The following MTMR4 variants were observed in gnomAD, a reference collection of about 807,000 sequenced individuals.
MTMR4 encodes the protein myotubularin related protein 4.
MTMR4 carries 30 observed loss-of-function variants against 125.5 expected under a neutral mutation model. That is an observed-to-expected ratio of 0.24 (90% CI 0.18 to 0.32). The LOEUF is 0.32. Among genes scored for constraint, MTMR4 ranks in the 10% least tolerant of loss-of-function variants. The pLI is 1.00. For missense variants in MTMR4, 1,039 were observed against 1,511.5 expected (o/e 0.69, Z 5.18); for synonymous variants, 498 against 564.5 (o/e 0.88, Z 1.67).
rs1240876400 is a variant in MTMR4, at chr17:58,508,442, G to A, written c.593+26C>T. On this transcript the variant is annotated intron_variant, in intron 6 of 17. Transcript: ENST00000682306. The surrounding 1 kb of genome is among the most constrained non-coding windows in gnomAD (Gnocchi z 4.8). ...AACACGGAAGTAGTTTGGTGTGGAA[G>A]GTGTTTTGGTCCCCAACCCTCTCAC... 1.2e-6 allele frequency: 2 copies of A among 1,609,456 alleles called. No individual in the cohort carries two copies. The highest frequency in any genetic ancestry group is 1.7e-6 in the Non-Finnish European group (2 of 1,175,758).
rs149004290 is a variant in MTMR4, at chr17:58,507,439, C to T, written c.708-120G>A. On this transcript the variant is annotated intron_variant, in intron 7 of 17. Coordinates refer to ENST00000682306, the MANE Select transcript of MTMR4 (RefSeq NM_001378067.1). ...GGCTACCAACTCATCCAGGCCATAA[C>T]AGCAACCAAAAGCCCCAACGTCACT... is the stretch of plus-strand genomic sequence containing the variant. 6.3e-5 allele frequency: 51 copies of T among 804,294 alleles called. No homozygotes were observed. The East Asian group carries it at 1.4e-3, about 22-fold the overall frequency. 49.8% of individuals were successfully genotyped at this position (804,294 alleles called of 1,614,324 possible).
Position 58,491,494 on chromosome 17 carries a change from C to T in MTMR4, c.*169G>A, listed in dbSNP as rs1211797466. 23 of 655,524 alleles carry T rather than the reference C, an allele frequency of 3.5e-5. No homozygotes were observed. Among genetic ancestry groups the T allele is most frequent in the Non-Finnish European group, 5.2e-5 (21 of 403,464 alleles). 40.6% of individuals were successfully genotyped at this position (655,524 alleles called of 1,614,324 possible). ...GGTATCACCAGTAGAGGACCTCCTG[C>T]TAAATTGCAATTCCTCTGCTCCAGT... is the stretch of plus-strand genomic sequence containing the variant. On this transcript the variant is annotated 3_prime_UTR_variant, in exon 18 of 18. Coordinates refer to ENST00000682306, the MANE Select transcript of MTMR4 (RefSeq NM_001378067.1).
chr17:58,512,944 G>A lies in MTMR4; in HGVS notation c.46-3C>T, dbSNP rs1191347099. 1.9e-6 allele frequency: 3 copies of A among 1,609,824 alleles called. No homozygotes were observed. The highest frequency in any genetic ancestry group is 1.7e-5 in the Admixed American group (1 of 59,370). On this transcript the variant is annotated splice_polypyrimidine_tract_variant and splice_region_variant and intron_variant, in intron 1 of 17. Transcript: ENST00000682306. The surrounding 1 kb of genome is among the most constrained non-coding windows in gnomAD (Gnocchi z 4.1). ...AGGCTGGGGGGCCCCTCCTCACCCT[G>A]TAGGAAGGCCACAGTCCTAAGTCAC...
In MTMR4 at chr17:58,495,509, G is replaced by A; in HGVS notation, c.2675C>T (p.Pro892Leu). The A allele has an allele frequency of 6.2e-7, 1 of 1,614,218 alleles. No individual in the cohort carries two copies. The highest frequency in any genetic ancestry group is 1.1e-5 in the South Asian group (1 of 91,084). ...NNRNGQLLENPRFGKMPLELV... is the reference protein window; with the variant it reads ...NNRNGQLLENLRFGKMPLELV... ...TTCCAATGGCATTTTCCCAAAGCGA[G>A]GATTTTCCAATAACTGCCCATTCCT... The change falls in exon 15 of 18, where the codon CCT becomes CTT. Residue 892 changes from proline (P) to leucine (L), a missense_variant. Physicochemically the swap from Pro to Leu is moderately conservative, Grantham distance 98 (BLOSUM62 -3). Around this residue, in one of 6 missense-constraint regions of MTMR4, gnomAD observed 619 missense variants for 714.5 expected, o/e 0.87. Coordinates refer to ENST00000682306, the MANE Select transcript of MTMR4 (RefSeq NM_001378067.1).
chr17:58,516,256 A>G (rs1369267479), upstream of MTMR4, among the ~76,000 whole-genome samples: 1 of 152,206 alleles, frequency 6.6e-6, no homozygotes, highest in Non-Finnish European at 1.5e-5. Context: ...GAACACAGAG[A>G]TTCTACCGGG....
At chr17:58,499,366 G>A (rs1975558298) in intron 14 of MTMR4, among the ~76,000 whole-genome samples, 1 of 151,838 alleles carries the variant, frequency 6.6e-6, no homozygotes, top group South Asian at 2.1e-4. Flanking sequence ...GGCCAACATG[G>A]CGAAACCCCG....
rs551478877 is a variant in MTMR4, at chr17:58,500,398, A to G, written c.1853+3346T>C. 2.0e-4 allele frequency among the ~76,000 whole-genome samples: 30 copies of G among 151,884 alleles called. No individual in the cohort carries two copies. In the Middle Eastern group the frequency reaches 0.01, roughly 52 times the overall value. ...CACCTTGGCCTCCCAAAGTGCTGGG[A>G]TTACAGGCATGAGCCACTGCACCCA... On this transcript the variant is annotated intron_variant, in intron 14 of 17. Coordinates refer to ENST00000682306, the MANE Select transcript of MTMR4 (RefSeq NM_001378067.1).
At chr17:58,501,445 C>T (rs1975625898) in intron 14 of MTMR4, among the ~76,000 whole-genome samples, 1 of 151,754 alleles carries the variant, frequency 6.6e-6, no homozygotes. Flanking sequence ...ATAATTGTGC[C>T]ACTGCACCCA....
At chr17:58,503,208 A>G (rs183029021) in intron 14 of MTMR4, among the ~76,000 whole-genome samples, 1 of 152,292 alleles carries the variant, frequency 6.6e-6, no homozygotes, top group Admixed American at 6.5e-5. Context: ...TGGGTATATC[A>G]TACAGAGTGA....
chr17:58,513,075 GAA>G, intron 1 of MTMR4, 134 bp from the exon 2 acceptor site: 1 of 699,308 alleles, frequency 1.4e-6, no homozygotes, highest in Non-Finnish European at 2.5e-6. Flanking sequence ...CCAGAGAAGG[GAA>G]AAGAGATCTG....
At chr17:58,491,896 C>T in intron 17 of MTMR4, 56 bp from the exon 18 acceptor site, 2 of 1,545,032 alleles carry the variant, frequency 1.3e-6, no homozygotes, top group Non-Finnish European at 1.8e-6. Flanking sequence ...ACTGGCCAGG[C>T]AGGGTGACTC....
At chr17:58,513,448 C>T (rs1350429621) in intron 1 of MTMR4, among the ~76,000 whole-genome samples, 1 of 152,058 alleles carries the variant, frequency 6.6e-6, no homozygotes, top group African/African-American at 2.4e-5. Context: ...TCCCACGCCT[C>T]TAGAGGGCCT....
rs748480906 is a variant in MTMR4 at position 58,504,154 on chromosome 17, G to C, written c.1594C>G (p.Arg532Gly). The C allele has an allele frequency of 6.2e-7, 1 of 1,612,554 alleles. No homozygotes were observed. The highest frequency in any genetic ancestry group is 1.1e-5 in the South Asian group (1 of 90,904). Residue 532 changes from arginine (R) to glycine (G), a missense_variant, in exon 13 of 18, where the codon CGA (arginine) becomes GGA (glycine). Coordinates refer to ENST00000682306, the MANE Select transcript of MTMR4 (RefSeq NM_001378067.1). The surrounding 1 kb of genome is among the most constrained non-coding windows in gnomAD (Gnocchi z 7.1). Reference sequence around the variant, plus strand: ...CGCTTGTAGATGTTGCGCTTCTCTCGCTCACAGGGGTTGTTGGCCAGGAAG... The same window carrying C: ...CGCTTGTAGATGTTGCGCTTCTCTCCCTCACAGGGGTTGTTGGCCAGGAAG... ...GTFLANNPCE[R>G]EKRNIYKRTC...
chr17:58,507,412 G>T, intron 7 of MTMR4, 93 bp from the exon 8 acceptor site: 5 of 1,151,502 alleles, frequency 4.3e-6, no homozygotes. Context: ...AGAGCCAGCA[G>T]GGGCTACCAA....
chr17:58,504,547 C>T lies in MTMR4; in HGVS notation c.1342-59G>A. ...TCTCTGGAAATGCTGATGTGCTACT[C>T]CCCTGGGAACTGCCCAAAGCAGGAA... On this transcript the variant is annotated intron_variant, in intron 11 of 17. Coordinates refer to ENST00000682306, the MANE Select transcript of MTMR4 (RefSeq NM_001378067.1). This position sits in a 1 kb window ranked among gnomAD's most constrained non-coding sequence, Gnocchi z 7.1. The T allele has an allele frequency of 6.4e-7, 1 of 1,561,496 alleles. No homozygotes were observed. The highest frequency in any genetic ancestry group is 8.7e-7 in the Non-Finnish European group (1 of 1,150,394).
upstream of MTMR4, chr17:58,514,643 A>G: frequency 1.0e-6 from 1 of 985,226 alleles, no homozygotes; most frequent in Non-Finnish European, 1.2e-6. Context: ...GAGGGGAGCC[A>G]GGCGAGGGGA....
chr17:58,496,107 G>T lies in MTMR4; in HGVS notation c.2077C>A (p.Leu693Met). ...AAGTAGTCTTTCTGGCTGCTGGGCA[G>T]AGGAGGAGGAAGACCCACTTCTCCT... Reference protein sequence around the residue: ...TVGEVGLPPPLPSSQKDYLSN... With the variant: ...TVGEVGLPPPMPSSQKDYLSN... The change falls in exon 15 of 18, where the codon CTG (leucine) becomes ATG (methionine). Residue 693 changes from leucine to methionine, a missense_variant. Around this residue, in one of 6 missense-constraint regions of MTMR4, gnomAD observed 619 missense variants for 714.5 expected, o/e 0.87. Transcript: ENST00000682306. 6.2e-7 allele frequency: 1 copy of T among 1,614,222 alleles called. No homozygotes were observed. Among genetic ancestry groups the T allele is most frequent in the African/African-American group, 1.3e-5 (1 of 75,052 alleles).
At chr17:58,497,747 T>G (rs980371708) in intron 14 of MTMR4, among the ~76,000 whole-genome samples, 1 of 152,216 alleles carries the variant, frequency 6.6e-6, no homozygotes, top group Non-Finnish European at 1.5e-5. Flanking sequence ...TAGGTGCCAA[T>G]TGAATGTGTG....
At chr17:58,500,614 G>C (rs1975594357) in intron 14 of MTMR4, among the ~76,000 whole-genome samples, 1 of 151,970 alleles carries the variant, frequency 6.6e-6, no homozygotes, top group Admixed American at 6.6e-5. Flanking sequence ...GCCAGGTGTG[G>C]TGGTGGGCAC....
Sources: gnomAD v4.1 joint callset for allele counts (sites outside exome capture counted in the v4.1 genomes callset) on GRCh38, gnomAD v4.1.1 for gene constraint, gnomAD v4.1.1 regional missense constraint, Gnocchi (gnomAD v3.1) non-coding constraint, MANE v1.5 for transcripts, NCBI Gene and HGNC (gene_info 2026-07-23, HGNC 2026-07-21) for gene names.